The following NOL4 variants were observed in gnomAD, a reference collection of about 807,000 sequenced individuals.
The protein encoded by NOL4 is nucleolar protein 4, also known as cancer/testis antigen 125.
In NOL4, 17 loss-of-function variants were observed where a neutral mutation model predicts 75.9. The observed-to-expected ratio is 0.22, with a 90% CI of 0.15 to 0.34. The LOEUF (loss-of-function observed/expected upper bound fraction) is 0.34, where lower values mean the gene tolerates loss of function less well. Ranked by LOEUF, NOL4 falls within the 10% of genes least tolerant of loss-of-function variation. NOL4 has a pLI of 1.00. For synonymous variants in NOL4, 292 were observed against 289.9 expected (o/e 1.01, Z -0.07); for missense variants, 614 against 793.5 (o/e 0.77, Z 2.72).
In NOL4 at chr18:34,093,496, T is replaced by C. The variant is rs147539716; in HGVS notation, c.741A>G (p.Gln247=). The part of the protein sequence containing the change: ...DLSSNLEERM[Q]SPQNLHGQQD... ...GCTGGCCATGAAGATTCTGGGGACT[T>C]TGCATTCTTTCTTCAAGATTGGAGC... Residue 247 remains glutamine, a synonymous_variant, in exon 5 of 11, where the codon CAA becomes CAG. Coordinates refer to ENST00000261592, the MANE Select transcript of NOL4 (RefSeq NM_003787.5). 3.0e-4 allele frequency: 476 copies of C among 1,604,210 alleles called. No homozygotes were observed. In the African/African-American group the frequency reaches 5.7e-3, roughly 19 times the overall value.
At chr18:34,036,637 G>C (rs1038596946) in intron 5 of NOL4, among the ~76,000 whole-genome samples, 1 of 152,080 alleles carries the variant, frequency 6.6e-6, no homozygotes, top group African/African-American at 2.4e-5. Flanking sequence ...TAAATAAATG[G>C]CATCAGCCCA....
intron 5 of NOL4, among the ~76,000 whole-genome samples, chr18:34,062,647 T>A (rs1316302862): frequency 6.6e-6 from 1 of 152,150 alleles, no homozygotes; most frequent in Non-Finnish European, 1.5e-5. Context: ...AGGGGTTATA[T>A]GACTTTTAAA....
intron 6 of NOL4, among the ~76,000 whole-genome samples, chr18:33,999,697 G>C (rs2073552433): frequency 6.6e-6 from 1 of 152,104 alleles, no homozygotes; most frequent in South Asian, 2.1e-4. Flanking sequence ...CTGTTACCAG[G>C]CTGGAGTGCA....
chr18:33,951,793 G>A (rs1318007659), intron 8 of NOL4, among the ~76,000 whole-genome samples: 11 of 151,984 alleles, frequency 7.2e-5, no homozygotes, highest in East Asian at 1.9e-4. Flanking sequence ...CCTGAAAGTC[G>A]TATTAGGTTA....
chr18:33,880,533 C>A (rs552736316), intron 10 of NOL4, among the ~76,000 whole-genome samples: 1 of 152,028 alleles, frequency 6.6e-6, no homozygotes, highest in African/African-American at 2.4e-5. Context: ...AATTTACCAA[C>A]CAAGAGTCAG....
At chr18:33,928,558 CA>C in intron 9 of NOL4, among the ~76,000 whole-genome samples, 1 of 152,122 alleles carries the variant, frequency 6.6e-6, no homozygotes, top group East Asian at 1.9e-4. Flanking sequence ...AAGCCATCTA[CA>C]TGTCTCACAG....
At chr18:33,861,773 T>G (rs988784162) in intron 10 of NOL4, among the ~76,000 whole-genome samples, 1 of 151,908 alleles carries the variant, frequency 6.6e-6, no homozygotes, top group African/African-American at 2.4e-5. Flanking sequence ...TAAAAGAGGA[T>G]ACAAACAAAT....
intron 6 of NOL4, among the ~76,000 whole-genome samples, chr18:33,960,608 CA>C (rs1039473458): frequency 6.6e-6 from 1 of 152,074 alleles, no homozygotes; most frequent in Non-Finnish European, 1.5e-5. Context: ...TTTCATTCAA[CA>C]AAGTATTTAT....
At chr18:33,946,511 G>A (rs959222712) in intron 8 of NOL4, among the ~76,000 whole-genome samples, 15 of 151,746 alleles carry the variant, frequency 9.9e-5, no homozygotes, top group African/African-American at 3.6e-4. Context: ...ATTCAAGTCT[G>A]ATGATGAATT....
Position 33,852,682 on chromosome 18 carries a change from C to G in NOL4, c.*160G>C. 1.5e-6 allele frequency: 1 copy of G among 656,078 alleles called. No individual in the cohort carries two copies. Among genetic ancestry groups the G allele is most frequent in the Non-Finnish European group, 2.6e-6 (1 of 391,786 alleles). 40.6% of individuals were successfully genotyped at this position (656,078 alleles called of 1,614,324 possible). On this transcript the variant is annotated 3_prime_UTR_variant, in exon 11 of 11. Coordinates refer to ENST00000261592, the MANE Select transcript of NOL4 (RefSeq NM_003787.5). ...CAGAGGTCAGAGTTCCTTTGAAGCA[C>G]CTTAACACATCACTTACGGATCAAG...
At chr18:34,217,576 C>T (rs986916735) in intron 1 of NOL4, among the ~76,000 whole-genome samples, 6 of 152,090 alleles carry the variant, frequency 3.9e-5, no homozygotes, top group Admixed American at 6.6e-5. Flanking sequence ...CATGAGCCAC[C>T]GCGCTTGACC....
intron 9 of NOL4, among the ~76,000 whole-genome samples, chr18:33,901,825 GA>G (rs1347565321): frequency 1.3e-5 from 2 of 151,952 alleles, no homozygotes; most frequent in Non-Finnish European, 2.9e-5. Context: ...TTACTATTGA[GA>G]AAAAATAAAT....
chr18:34,036,088 A>G (rs1368095077), intron 5 of NOL4, among the ~76,000 whole-genome samples: 3 of 152,186 alleles, frequency 2.0e-5, no homozygotes, highest in Non-Finnish European at 2.9e-5. Flanking sequence ...TTTCAAAAAA[A>G]TCAAAGAGAA....
intron 9 of NOL4, among the ~76,000 whole-genome samples, chr18:33,884,510 A>G (rs1487227272): frequency 6.6e-6 from 1 of 152,122 alleles, no homozygotes; most frequent in Non-Finnish European, 1.5e-5. Context: ...AACTGTATAT[A>G]TTTTCAATAG....
At chr18:33,950,223 T>C (rs577099831) in intron 8 of NOL4, among the ~76,000 whole-genome samples, 2 of 151,982 alleles carry the variant, frequency 1.3e-5, no homozygotes, top group Non-Finnish European at 2.9e-5. Flanking sequence ...AAGTGTAATT[T>C]TTTTTTAACA....
intron 5 of NOL4, among the ~76,000 whole-genome samples, chr18:34,025,435 G>A (rs917661006): frequency 6.6e-6 from 1 of 152,132 alleles, no homozygotes; most frequent in Non-Finnish European, 1.5e-5. Flanking sequence ...GCATTCACAT[G>A]TGCTGAAGTC....
At chr18:33,879,594 T>C (rs958867854) in intron 10 of NOL4, among the ~76,000 whole-genome samples, 3 of 151,890 alleles carry the variant, frequency 2.0e-5, no homozygotes, top group East Asian at 1.9e-4. Context: ...GATGGGAGGA[T>C]CACTTGAGCC....
At chr18:34,159,463 C>A (rs2031081396) in intron 1 of NOL4, among the ~76,000 whole-genome samples, 1 of 152,118 alleles carries the variant, frequency 6.6e-6, no homozygotes, top group South Asian at 2.1e-4. Context: ...AAGCCGCGGG[C>A]CTGACCCTGA....
chr18:34,203,615 T>TA (rs899784822), intron 1 of NOL4, among the ~76,000 whole-genome samples: 1 of 150,882 alleles, frequency 6.6e-6, no homozygotes, highest in African/African-American at 2.4e-5. Flanking sequence ...ATTATTTCAA[T>TA]AAAAAATTCA....
Sources: allele counts gnomAD v4.1 joint callset (sites outside exome capture counted in the v4.1 genomes callset), GRCh38; gene constraint gnomAD v4.1.1; transcripts MANE v1.5; gene names NCBI Gene and HGNC (gene_info 2026-07-23, HGNC 2026-07-21).